RBFOX1: variants seen among roughly 807,000 people sequenced by gnomAD.
RBFOX1 encodes the protein RNA binding fox-1 homolog 1.
In RBFOX1, 8 loss-of-function variants were observed where a neutral mutation model predicts 57.7. The observed-to-expected ratio is 0.14, with a 90% CI of 0.08 to 0.25. The LOEUF is 0.25. Ranked by LOEUF, RBFOX1 falls within the 10% of genes least tolerant of loss-of-function variation. The pLI is 1.00. For missense variants in RBFOX1, 611 were observed against 548.5 expected, an observed-to-expected ratio of 1.11 and a Z score of -1.14; for synonymous variants, 326 against 222.4, an observed-to-expected ratio of 1.47 and a Z score of -4.15.
At chr16:6,566,101 ATG>A (rs925829996) in intron 2 of RBFOX1, among the ~76,000 whole-genome samples, 3 of 152,220 alleles carry the variant, frequency 2.0e-5, no homozygotes, top group Non-Finnish European at 4.4e-5. Context: ...TCCCAAAGTA[ATG>A]TGTGTCATCA....
chr16:5,459,038 C>T (rs560737502), intron 1 of RBFOX1, among the ~76,000 whole-genome samples: 3 of 152,174 alleles, frequency 2.0e-5, no homozygotes, highest in Non-Finnish European at 2.9e-5. Context: ...CTCTGAAGAG[C>T]CAGGGCAGAT....
intron 1 of RBFOX1, among the ~76,000 whole-genome samples, chr16:6,174,853 C>T (rs1394617929): frequency 6.6e-6 from 1 of 152,106 alleles, no homozygotes; most frequent in Non-Finnish European, 1.5e-5. Context: ...CTAAGGATGC[C>T]TTTGAGAATA....
At chr16:7,322,693 T>G (rs1287597314) in intron 4 of RBFOX1, among the ~76,000 whole-genome samples, 2 of 152,086 alleles carry the variant, frequency 1.3e-5, no homozygotes, top group Non-Finnish European at 2.9e-5. Flanking sequence ...AAAATAAGAT[T>G]GAGGAACCGC....
chr16:5,488,999 C>G (rs2042736779), intron 2 of RBFOX1, among the ~76,000 whole-genome samples: 1 of 152,138 alleles, frequency 6.6e-6, no homozygotes, highest in South Asian at 2.1e-4. Context: ...TGGTAAATTC[C>G]CTTTCTGTCA....
intron 4 of RBFOX1, among the ~76,000 whole-genome samples, chr16:7,318,994 G>A (rs972175748): frequency 6.6e-6 from 1 of 152,228 alleles, no homozygotes; most frequent in Non-Finnish European, 1.5e-5. Flanking sequence ...CATATGGGAT[G>A]AACCACACTA....
At chr16:6,260,930 A>C (rs912716619) in intron 1 of RBFOX1, among the ~76,000 whole-genome samples, 1 of 152,170 alleles carries the variant, frequency 6.6e-6, no homozygotes, top group African/African-American at 2.4e-5. Context: ...CTTTGAGAAA[A>C]TGAGATAATG....
chr16:6,792,052 T>A (rs1159972802), intron 3 of RBFOX1, among the ~76,000 whole-genome samples: 1 of 152,180 alleles, frequency 6.6e-6, no homozygotes, highest in African/African-American at 2.4e-5. Context: ...GAATTGCGTT[T>A]CACGAACTAT....
At chr16:7,619,135 G>C (rs1194543599) in intron 10 of RBFOX1, among the ~76,000 whole-genome samples, 1 of 152,070 alleles carries the variant, frequency 6.6e-6, no homozygotes, top group Non-Finnish European at 1.5e-5. Flanking sequence ...CTGATGCAAA[G>C]GTTAATCGAT....
At chr16:5,307,194 T>G (rs1703730264) in intron 1 of RBFOX1, among the ~76,000 whole-genome samples, 1 of 152,156 alleles carries the variant, frequency 6.6e-6, no homozygotes, top group African/African-American at 2.4e-5. Context: ...CCACTGTCAT[T>G]GCTTTGCTTG....
intron 3 of RBFOX1, among the ~76,000 whole-genome samples, chr16:5,828,491 A>C (rs1011298728): frequency 6.6e-6 from 1 of 152,086 alleles, no homozygotes; most frequent in Non-Finnish European, 1.5e-5. Context: ...CGAGGTCAAT[A>C]GATCAAGACC....
intron 3 of RBFOX1, among the ~76,000 whole-genome samples, chr16:6,988,658 TGCCTCAGCCTCA>T: frequency 6.6e-6 from 1 of 151,816 alleles, no homozygotes; most frequent in Non-Finnish European, 1.5e-5. Flanking sequence ...CTACAACCTC[TGCCTCAGCCTCA>T]GCCTCAGCCT....
chr16:7,660,214 C>T (rs915832090), intron 12 of RBFOX1, among the ~76,000 whole-genome samples: 1 of 152,114 alleles, frequency 6.6e-6, no homozygotes, highest in Non-Finnish European at 1.5e-5. Flanking sequence ...AAATATTTAA[C>T]TACTGGTATT....
Position 5,401,368 on chromosome 16 carries a change from G to A in RBFOX1, c.220-65848G>A, listed in dbSNP as rs192869315. On this transcript the variant is annotated intron_variant, in intron 1 of 2. Coordinates refer to the RBFOX1 transcript ENST00000585867. Reference sequence around the variant, plus strand: ...ATGCCTCCTTTAGCGTATGATCAATGTTCCTGTTTATGCTCCGGTGTGGTT... The same window carrying A: ...ATGCCTCCTTTAGCGTATGATCAATATTCCTGTTTATGCTCCGGTGTGGTT... Among the ~76,000 whole-genome samples the A allele has an allele frequency of 1.6e-4, 25 of 152,190 alleles. No homozygotes were observed. In the East Asian group the frequency reaches 4.8e-3, roughly 29 times the overall value.
chr16:7,580,130 T>G (rs1008912138), intron 6 of RBFOX1, among the ~76,000 whole-genome samples: 1 of 152,180 alleles, frequency 6.6e-6, no homozygotes, highest in African/African-American at 2.4e-5. Context: ...TGTATCTACT[T>G]TACCAAGTGG....
chr16:7,026,832 C>G (rs1217197195), intron 3 of RBFOX1, among the ~76,000 whole-genome samples: 1 of 152,350 alleles, frequency 6.6e-6, no homozygotes, highest in East Asian at 1.9e-4. Context: ...ACCTGCTGAT[C>G]TGGACATTCC....
In RBFOX1 at chr16:6,593,912, A is replaced by G. The variant is rs1453560644; in HGVS notation, c.-63-60691A>G. 2.6e-5 allele frequency among the ~76,000 whole-genome samples: 4 copies of G among 152,196 alleles called. No homozygotes were observed. The East Asian group carries it at 7.7e-4, about 29-fold the overall frequency. On this transcript the variant is annotated intron_variant, in intron 2 of 15. Transcript: ENST00000550418. Reference sequence around the variant, plus strand: ...CTTGTCTCTCATTGCCTAGCGATTTACTGGCATTGTAGACTCCACCCCAAT... The same window carrying G: ...CTTGTCTCTCATTGCCTAGCGATTTGCTGGCATTGTAGACTCCACCCCAAT...
At chr16:5,321,566 C>G (rs1445476816) in intron 1 of RBFOX1, among the ~76,000 whole-genome samples, 1 of 152,120 alleles carries the variant, frequency 6.6e-6, no homozygotes, top group Non-Finnish European at 1.5e-5. Context: ...GTGATCCGCC[C>G]ATGTTGGCGC....
intron 2 of RBFOX1, among the ~76,000 whole-genome samples, chr16:5,568,838 G>GT (rs1454323196): frequency 4.6e-5 from 7 of 151,868 alleles, no homozygotes; most frequent in Non-Finnish European, 1.0e-4. Flanking sequence ...CATGACATCG[G>GT]TTCTTTTTGT....
chr16:6,720,977 A>G (rs975723751), intron 3 of RBFOX1, among the ~76,000 whole-genome samples: 5 of 152,146 alleles, frequency 3.3e-5, no homozygotes, highest in Admixed American at 1.3e-4. Context: ...CCTACTTAAC[A>G]TAAGGATCAT....
Sources: allele counts gnomAD v4.1 joint callset (sites outside exome capture counted in the v4.1 genomes callset), GRCh38; gene constraint gnomAD v4.1.1; transcripts MANE v1.5; gene names NCBI Gene and HGNC (gene_info 2026-07-23, HGNC 2026-07-21).